Variants in DPH6 observed in about 807,000 individuals in gnomAD.
The protein encoded by DPH6 is diphthine--ammonia ligase.
In DPH6, 33 loss-of-function variants were observed where a neutral mutation model predicts 38.2. The ratio of observed to expected loss-of-function variants is 0.86; its 90% CI spans 0.65 to 1.15. The LOEUF (loss-of-function observed/expected upper bound fraction) is 1.15. Ranked by LOEUF, DPH6 falls within the 50% of genes most tolerant of loss-of-function variation. The pLI is 0.00. For missense variants in DPH6, 325 were observed against 320.0 expected (o/e 1.02, Z -0.12); for synonymous variants, 108 against 103.0 (o/e 1.05, Z -0.30).
At chr15:35,466,776 A>G (rs576413638) in intron 3 of DPH6, among the ~76,000 whole-genome samples, 2 of 152,342 alleles carry the variant, frequency 1.3e-5, no homozygotes, top group South Asian at 4.1e-4. Context: ...TGTACAGCAT[A>G]TTACTATACT....
At chr15:35,251,253 C>A (rs920654466) in intron 3 of DPH6, among the ~76,000 whole-genome samples, 1 of 152,112 alleles carries the variant, frequency 6.6e-6, no homozygotes, top group African/African-American at 2.4e-5. Flanking sequence ...AGGTTTGTTA[C>A]ACGAGTATAT....
chr15:35,396,925 G>T (rs925982957), intron 6 of DPH6, among the ~76,000 whole-genome samples: 2 of 152,018 alleles, frequency 1.3e-5, no homozygotes, highest in African/African-American at 2.4e-5. Context: ...TTTCCATTTT[G>T]TTTTTTAAGT....
intron 3 of DPH6, among the ~76,000 whole-genome samples, chr15:35,358,016 C>T (rs112588951): frequency 0.03 from 4,586 of 152,224 alleles, 217 homozygotes; most frequent in African/African-American, 0.1. Flanking sequence ...CTCAGGAACA[C>T]GAATTATTCT....
chr15:35,207,912 A>T, the DPH6 span, among the ~76,000 whole-genome samples: 1 of 152,192 alleles, frequency 6.6e-6, no homozygotes, highest in Non-Finnish European at 1.5e-5. Flanking sequence ...TTTGCAATAC[A>T]TTTAGTTATA....
At chr15:35,179,991 G>A in the DPH6 span, among the ~76,000 whole-genome samples, 2 of 152,098 alleles carry the variant, frequency 1.3e-5, no homozygotes, top group African/African-American at 4.8e-5. Flanking sequence ...TTGTTTTGAG[G>A]AGGGGTGAGC....
At chr15:35,453,904 A>T (rs1232360489) in intron 4 of DPH6, among the ~76,000 whole-genome samples, 6 of 152,092 alleles carry the variant, frequency 3.9e-5, no homozygotes, top group African/African-American at 1.4e-4. Flanking sequence ...AAATACAGCC[A>T]TTATCTTATT....
rs918441322 is a variant in DPH6, at chr15:35,447,985, T to C, written c.505+2700A>G. Among the ~76,000 whole-genome samples, 3 of 152,156 alleles carry C rather than the reference T, an allele frequency of 2.0e-5. 1 individual carries two copies. The highest frequency in any genetic ancestry group is 4.4e-5 in the Non-Finnish European group (3 of 68,022). ...CAAACTAACCCTTAAACCAGTATAGTTTTTCTAGTGATCAATTTAGTTACT... is the reference window on the plus strand; with the variant it reads ...CAAACTAACCCTTAAACCAGTATAGCTTTTCTAGTGATCAATTTAGTTACT... On this transcript the variant is annotated intron_variant, in intron 5 of 8. Transcript: ENST00000256538.
At chr15:35,424,446 A>C (rs1030759622) in intron 5 of DPH6, among the ~76,000 whole-genome samples, 25 of 132,316 alleles carry the variant, frequency 1.9e-4, no homozygotes, top group Non-Finnish European at 3.4e-4. Flanking sequence ...TATTAGTTCT[A>C]ACAGGATTTT....
intron 5 of DPH6, among the ~76,000 whole-genome samples, chr15:35,450,312 A>G (rs6495770): frequency 0.99 from 151,050 of 151,918 alleles, 75,100 homozygotes; most frequent in Middle Eastern, 1. Context: ...CATATTATAA[A>G]AAGCTTCCAA....
intron 3 of DPH6, among the ~76,000 whole-genome samples, chr15:35,325,334 G>A (rs2052273477): frequency 6.6e-6 from 1 of 152,080 alleles, no homozygotes; most frequent in Admixed American, 6.5e-5. Flanking sequence ...TTACTTAAAA[G>A]CTACTATAAT....
At chr15:35,502,573 AAG>A (rs2054641279) in intron 3 of DPH6, among the ~76,000 whole-genome samples, 1 of 151,984 alleles carries the variant, frequency 6.6e-6, no homozygotes, top group Admixed American at 6.6e-5. Flanking sequence ...AACATGAACC[AAG>A]TGGTAGTATT....
At chr15:35,225,583 A>T (rs1170137153) in intron 3 of DPH6, among the ~76,000 whole-genome samples, 1 of 152,082 alleles carries the variant, frequency 6.6e-6, no homozygotes, top group African/African-American at 2.4e-5. Context: ...GTACTTCCTT[A>T]CTTTCAGACA....
chr15:35,434,939 ATT>A (rs147169875), intron 5 of DPH6, among the ~76,000 whole-genome samples: 10 of 139,666 alleles, frequency 7.2e-5, no homozygotes, highest in African/African-American at 1.3e-4. Flanking sequence ...ATGCCCAGCT[ATT>A]TTTTTTTTTT....
At chr15:35,186,137 T>TCCTAG in the DPH6 span, among the ~76,000 whole-genome samples, 1 of 152,174 alleles carries the variant, frequency 6.6e-6, no homozygotes, top group African/African-American at 2.4e-5. Context: ...TCTGGATCTT[T>TCCTAG]CCTAGCCATA....
At chr15:35,450,580 T>C (rs1238871217) in intron 5 of DPH6, 105 bp downstream of exon 5, 1 of 946,874 alleles carries the variant, frequency 1.1e-6, no homozygotes, top group African/African-American at 1.7e-5. Flanking sequence ...GACTCCACAT[T>C]TTTATATTCT....
chr15:35,300,697 G>A (rs1253442189), intron 3 of DPH6, among the ~76,000 whole-genome samples: 1 of 152,140 alleles, frequency 6.6e-6, no homozygotes, highest in Non-Finnish European at 1.5e-5. Context: ...GGTAAGTCTG[G>A]ATATTTTCCA....
intron 3 of DPH6, among the ~76,000 whole-genome samples, chr15:35,359,350 T>C (rs748191623): frequency 6.6e-6 from 1 of 152,194 alleles, no homozygotes; most frequent in Non-Finnish European, 1.5e-5. Flanking sequence ...CCCCTGCCTG[T>C]GGAGTCTGCA....
chr15:35,535,089 G>C (rs2055149138), intron 3 of DPH6, among the ~76,000 whole-genome samples: 1 of 152,102 alleles, frequency 6.6e-6, no homozygotes, highest in Non-Finnish European at 1.5e-5. Context: ...AAGAGGACAA[G>C]GGATGTGTCA....
chr15:35,395,760 G>T (rs1434538370), intron 6 of DPH6, among the ~76,000 whole-genome samples: 1 of 152,040 alleles, frequency 6.6e-6, no homozygotes, highest in African/African-American at 2.4e-5. Context: ...ATTTATTAGG[G>T]ATTTACCCCC....
Sources: gnomAD v4.1 joint callset for allele counts (sites outside exome capture counted in the v4.1 genomes callset) on GRCh38, gnomAD v4.1.1 for gene constraint, MANE v1.5 for transcripts, NCBI Gene and HGNC (gene_info 2026-07-23, HGNC 2026-07-21) for gene names.